Variants in PARD3 observed in about 807,000 individuals in gnomAD.
PARD3 encodes par-3 family cell polarity regulator.
Under a neutral mutation model 155.4 loss-of-function variants are expected in PARD3, and 75 were observed. The ratio of observed to expected loss-of-function variants is 0.48; its 90% CI spans 0.40 to 0.58. PARD3 has a LOEUF of 0.58. PARD3 is among the 20% of genes least tolerant of loss of function. The probability of loss-of-function intolerance (pLI) is 0.00; values close to 1 mark genes in which losing one functional copy is unlikely to be tolerated. For missense variants in PARD3, 1,642 were observed against 1,721.7 expected, an observed-to-expected ratio of 0.95 and a Z score of 0.82; for synonymous variants, 576 against 610.5, an observed-to-expected ratio of 0.94 and a Z score of 0.83.
chr10:34,265,767 C>T (rs987581586), intron 22 of PARD3, among the ~76,000 whole-genome samples: 13 of 152,148 alleles, frequency 8.5e-5, no homozygotes, highest in Non-Finnish European at 1.5e-4. Flanking sequence ...CATGAAGGCA[C>T]GATGGAATGC....
chr10:34,770,077 A>G (rs949662467), intron 1 of PARD3, among the ~76,000 whole-genome samples: 1 of 152,150 alleles, frequency 6.6e-6, no homozygotes, highest in African/African-American at 2.4e-5. Flanking sequence ...CCTTCATCCA[A>G]GACCCTCCGG....
chr10:34,730,769 C>G (rs1314089032), intron 1 of PARD3, among the ~76,000 whole-genome samples: 1 of 152,060 alleles, frequency 6.6e-6, no homozygotes, highest in Non-Finnish European at 1.5e-5. Flanking sequence ...CAAGGTGACT[C>G]TGTCTCCAAA....
At chr10:34,174,318 T>C (rs929549674) in intron 22 of PARD3, among the ~76,000 whole-genome samples, 9 of 152,214 alleles carry the variant, frequency 5.9e-5, no homozygotes, top group African/African-American at 2.2e-4. Flanking sequence ...GTTTTTCCCT[T>C]ACTTTTTACT....
chr10:34,151,831 A>G (rs1446824527), intron 22 of PARD3, among the ~76,000 whole-genome samples: 1 of 152,128 alleles, frequency 6.6e-6, no homozygotes, highest in African/African-American at 2.4e-5. Flanking sequence ...GCAAAGATAT[A>G]ATATCTCTAA....
chr10:34,358,629 G>T (rs1189683344), intron 14 of PARD3, among the ~76,000 whole-genome samples: 1 of 152,184 alleles, frequency 6.6e-6, no homozygotes, highest in African/African-American at 2.4e-5. Context: ...GAAGATGGAG[G>T]CTGCAGCGAG....
chr10:34,551,085 C>T (rs140462209), intron 2 of PARD3, among the ~76,000 whole-genome samples: 14 of 152,226 alleles, frequency 9.2e-5, no homozygotes, highest in African/African-American at 3.1e-4. Flanking sequence ...AAAAGAGTAA[C>T]CCAAAGCAAC....
intron 18 of PARD3, among the ~76,000 whole-genome samples, chr10:34,331,588 TA>T: frequency 6.6e-6 from 1 of 152,190 alleles, no homozygotes; most frequent in Middle Eastern, 3.4e-3. Context: ...CATTACTTTT[TA>T]AAAAAAATTT....
intron 14 of PARD3, among the ~76,000 whole-genome samples, chr10:34,355,960 A>C: frequency 7.3e-6 from 1 of 136,636 alleles, no homozygotes; most frequent in Non-Finnish European, 1.5e-5. Flanking sequence ...AACAAAACCA[A>C]ACAAAAAAAC....
intron 7 of PARD3, 129 bp from the exon 8 acceptor site, chr10:34,384,383 A>C: frequency 1.2e-6 from 1 of 867,576 alleles, no homozygotes; most frequent in African/African-American, 1.7e-5. Flanking sequence ...ATGACTATTC[A>C]TACATTTTTA....
chr10:34,750,499 A>G (rs1349952028), intron 1 of PARD3, among the ~76,000 whole-genome samples: 1 of 147,016 alleles, frequency 6.8e-6, no homozygotes, highest in African/African-American at 2.7e-5. Context: ...ACACACACAC[A>G]CACACACACA....
chr10:34,659,271 G>T (rs1021143981), intron 2 of PARD3, among the ~76,000 whole-genome samples: 1 of 151,944 alleles, frequency 6.6e-6, no homozygotes. Context: ...ATTTCTAAGG[G>T]TTTTGTTCCC....
chr10:34,592,766 C>G (rs1428526859), intron 2 of PARD3, among the ~76,000 whole-genome samples: 2 of 149,712 alleles, frequency 1.3e-5, no homozygotes, highest in African/African-American at 5.1e-5. Context: ...CAGAGCAATA[C>G]TCTGTCTCAA....
chr10:34,488,572 G>A (rs1015520328), intron 3 of PARD3: 2 of 152,206 alleles, frequency 1.3e-5, no homozygotes, highest in African/African-American at 4.8e-5. Flanking sequence ...CACGCAGAGT[G>A]CCCTCTGTGC....
intron 2 of PARD3, among the ~76,000 whole-genome samples, chr10:34,523,127 G>T (rs2082254608): frequency 6.6e-6 from 1 of 152,112 alleles, no homozygotes; most frequent in Admixed American, 6.5e-5. Context: ...CATCCTGCTG[G>T]TGCCATCACT....
chr10:34,793,740 T>G (rs1841937331), intron 1 of PARD3, among the ~76,000 whole-genome samples: 1 of 150,028 alleles, frequency 6.7e-6, no homozygotes, highest in Non-Finnish European at 1.5e-5. Flanking sequence ...GAGCCAAGAC[T>G]GCGCCATTGC....
At chr10:34,464,629 T>C (rs540940249) in intron 4 of PARD3, among the ~76,000 whole-genome samples, 1 of 152,234 alleles carries the variant, frequency 6.6e-6, no homozygotes, top group East Asian at 1.9e-4. Flanking sequence ...ATAAATGTCA[T>C]ACAACAGAAA....
intron 19 of PARD3, among the ~76,000 whole-genome samples, chr10:34,327,719 T>A (rs1835181481): frequency 6.6e-6 from 1 of 152,124 alleles, no homozygotes; most frequent in South Asian, 2.1e-4. Context: ...TCAGGAAATG[T>A]CCCATGTGAC....
At chr10:34,561,810 G>A (rs1349868609) in intron 2 of PARD3, among the ~76,000 whole-genome samples, 9 of 151,222 alleles carry the variant, frequency 6.0e-5, no homozygotes, top group Admixed American at 6.6e-5. Context: ...GAGCCACTGC[G>A]CCCGGCCCTG....
intron 1 of PARD3, among the ~76,000 whole-genome samples, chr10:34,710,053 G>T (rs2094428649): frequency 6.6e-6 from 1 of 152,132 alleles, no homozygotes; most frequent in Admixed American, 6.6e-5. Context: ...TGCTTAAAAT[G>T]AAATATACCC....
Sources: gnomAD v4.1 joint callset for allele counts (sites outside exome capture counted in the v4.1 genomes callset) on GRCh38, gnomAD v4.1.1 for gene constraint, MANE v1.5 for transcripts, NCBI Gene and HGNC (gene_info 2026-07-23, HGNC 2026-07-21) for gene names.